The following SPECC1 variants were observed in gnomAD, a reference collection of about 807,000 sequenced individuals.
SPECC1 encodes sperm antigen with calponin homology and coiled-coil domains 1.
A neutral mutation model predicts 104.1 loss-of-function variants in SPECC1; 62 were observed. The observed-to-expected ratio is 0.60, with a 90% CI of 0.49 to 0.74. The LOEUF is 0.74. Among genes scored for constraint, SPECC1 ranks in the 30% least tolerant of loss-of-function variants. The pLI is 0.00. For synonymous variants in SPECC1, 513 were observed against 501.6 expected (o/e 1.02, Z -0.30); for missense variants, 1,306 against 1,310.5 (o/e 1.00, Z 0.05).
At chr17:20,175,525 G>T (rs763205556) in intron 3 of SPECC1, among the ~76,000 whole-genome samples, 3 of 151,672 alleles carry the variant, frequency 2.0e-5, no homozygotes, top group Non-Finnish European at 4.4e-5. Context: ...ATTCTTAGTC[G>T]GTCTTCTCAT....
chr17:20,286,330 T>C (rs2040944540), intron 12 of SPECC1, among the ~76,000 whole-genome samples: 1 of 152,162 alleles, frequency 6.6e-6, no homozygotes, highest in Non-Finnish European at 1.5e-5. Context: ...CTGGGCTGCT[T>C]TTCATTTTCT....
chr17:20,103,620 G>A (rs1013963923), intron 2 of SPECC1, among the ~76,000 whole-genome samples: 5 of 152,146 alleles, frequency 3.3e-5, no homozygotes, highest in Non-Finnish European at 7.4e-5. Context: ...GGAGGGAGGG[G>A]TTTGGAGCTG....
intron 2 of SPECC1, among the ~76,000 whole-genome samples, chr17:20,105,220 G>T (rs762300793): frequency 4.6e-5 from 7 of 151,990 alleles, no homozygotes; most frequent in Non-Finnish European, 8.8e-5. Flanking sequence ...CTCCTGAGTA[G>T]CTAGGACTAC....
chr17:20,304,531 C>T (rs2041699820), intron 13 of SPECC1, among the ~76,000 whole-genome samples: 1 of 152,132 alleles, frequency 6.6e-6, no homozygotes, highest in Non-Finnish European at 1.5e-5. Flanking sequence ...TTGTGGAGCA[C>T]TACCATTAAC....
At chr17:20,112,874 A>T in intron 3 of SPECC1, 4 of 1,584,580 alleles carry the variant, frequency 2.5e-6, no homozygotes, top group Non-Finnish European at 3.5e-6. Context: ...TGATTTAGAG[A>T]ATTGTGATCT....
intron 12 of SPECC1, among the ~76,000 whole-genome samples, chr17:20,296,498 A>G (rs1460613728): frequency 2.0e-5 from 3 of 152,234 alleles, no homozygotes; most frequent in Admixed American, 1.3e-4. Flanking sequence ...TGTCTTGGCA[A>G]TGCAGGCTCA....
At chr17:20,244,085 T>C (rs943090250) in intron 7 of SPECC1, among the ~76,000 whole-genome samples, 10 of 149,518 alleles carry the variant, frequency 6.7e-5, no homozygotes, top group Non-Finnish European at 1.2e-4. Flanking sequence ...ATTAGCAAAG[T>C]GTGCTGGTGC....
intron 1 of SPECC1, among the ~76,000 whole-genome samples, chr17:20,088,145 G>A (rs2047249902): frequency 6.6e-6 from 1 of 152,192 alleles, no homozygotes; most frequent in South Asian, 2.1e-4. Flanking sequence ...CTGGGACAAA[G>A]ACCTTGGGCT....
At chr17:20,292,334 CT>C (rs113080519) in intron 12 of SPECC1, among the ~76,000 whole-genome samples, 9 of 150,960 alleles carry the variant, frequency 6.0e-5, no homozygotes, top group African/African-American at 1.2e-4. Flanking sequence ...GTTTTTTCAT[CT>C]TTTTTTTTGG....
At chr17:20,152,299 A>AAAAAT (rs918902777) in intron 3 of SPECC1, among the ~76,000 whole-genome samples, 19 of 152,318 alleles carry the variant, frequency 1.2e-4, no homozygotes, top group Admixed American at 6.5e-4. Flanking sequence ...AACTGTCTCA[A>AAAAAT]AAAATAAAAT....
chr17:20,020,542 C>A (rs1482689894), intron 1 of SPECC1, among the ~76,000 whole-genome samples: 1 of 152,130 alleles, frequency 6.6e-6, no homozygotes, highest in African/African-American at 2.4e-5. Context: ...CTGTGTTGGC[C>A]AGGCTGATCT....
intron 7 of SPECC1, among the ~76,000 whole-genome samples, chr17:20,233,431 C>T (rs1332415286): frequency 2.0e-5 from 3 of 152,160 alleles, no homozygotes; most frequent in Non-Finnish European, 4.4e-5. Context: ...TTCCTTATTT[C>T]TTTGTTTATA....
chr17:20,307,382 CT>C (rs2041798709), intron 14 of SPECC1, among the ~76,000 whole-genome samples: 1 of 152,182 alleles, frequency 6.6e-6, no homozygotes, highest in Non-Finnish European at 1.5e-5. Context: ...CATGCTTGTT[CT>C]TTGTGGTTGA....
intron 7 of SPECC1, among the ~76,000 whole-genome samples, chr17:20,244,435 C>T (rs763537941): frequency 6.6e-6 from 1 of 152,150 alleles, no homozygotes; most frequent in Non-Finnish European, 1.5e-5. Flanking sequence ...AACCCAACCT[C>T]CTACAATTTC....
intron 3 of SPECC1, among the ~76,000 whole-genome samples, chr17:20,126,194 C>T (rs932341145): frequency 6.6e-6 from 1 of 152,092 alleles, no homozygotes; most frequent in African/African-American, 2.4e-5. Flanking sequence ...TTTCCTTTCT[C>T]CCTCCTTCCC....
intron 12 of SPECC1, among the ~76,000 whole-genome samples, chr17:20,286,039 CTTGGGCT>C (rs942995841): frequency 6.6e-6 from 1 of 152,136 alleles, no homozygotes; most frequent in Non-Finnish European, 1.5e-5. Flanking sequence ...GTCTTGAGCT[CTTGGGCT>C]TAAGCACCTC....
intron 11 of SPECC1, among the ~76,000 whole-genome samples, chr17:20,259,159 G>A (rs1052688889): frequency 6.6e-6 from 1 of 152,138 alleles, no homozygotes; most frequent in African/African-American, 2.4e-5. Flanking sequence ...ACACCTTTGG[G>A]TACAGCATAT....
At chr17:20,215,753 C>G (rs2037446538) in intron 4 of SPECC1, among the ~76,000 whole-genome samples, 1 of 152,174 alleles carries the variant, frequency 6.6e-6, no homozygotes, top group Non-Finnish European at 1.5e-5. Flanking sequence ...GTACTGTTTT[C>G]TTTGTTCTTT....
intron 8 of SPECC1, among the ~76,000 whole-genome samples, chr17:20,246,696 A>G (rs1192325404): frequency 6.6e-6 from 1 of 152,218 alleles, no homozygotes; most frequent in Non-Finnish European, 1.5e-5. Flanking sequence ...ACACATAAAC[A>G]TAGCAAATAG....
Sources: allele counts gnomAD v4.1 joint callset (sites outside exome capture counted in the v4.1 genomes callset), GRCh38; gene constraint gnomAD v4.1.1; transcripts MANE v1.5; gene names NCBI Gene and HGNC (gene_info 2026-07-23, HGNC 2026-07-21).